ZNF773: variants seen among roughly 807,000 people sequenced by gnomAD.
ZNF773 encodes zinc finger protein 419B.
ZNF773 carries 11 observed loss-of-function variants against 12.8 expected under a neutral mutation model. The ratio of observed to expected loss-of-function variants is 0.86; its 90% CI spans 0.54 to 1.42. The LOEUF (loss-of-function observed/expected upper bound fraction) is 1.42. Ranked by LOEUF, ZNF773 falls within the 40% of genes most tolerant of loss-of-function variation. The pLI is 0.00. For missense variants in ZNF773, 518 were observed against 527.2 expected, an observed-to-expected ratio of 0.98 and a Z score of 0.17; for synonymous variants, 175 against 178.4, an observed-to-expected ratio of 0.98 and a Z score of 0.15.
chr19:57,511,868 A>T (rs543944586), downstream of ZNF773, among the ~76,000 whole-genome samples: 66 of 144,352 alleles, frequency 4.6e-4, no homozygotes, highest in Non-Finnish European at 8.0e-4. Context: ...AACAGCATAG[A>T]TAAAAAAAAG....
rs61737910 is a variant in ZNF773, at chr19:57,506,386, A to G, written c.291A>G (p.Ala97=). The G allele has an allele frequency of 0.19, 312,499 of 1,611,532 alleles. 31,024 individuals carry two copies. Among genetic ancestry groups the G allele is most frequent in the African/African-American group, 0.25 (19,009 of 74,810 alleles). ...GTTGGCAAGGAGCCAAGGCTGAGGC[A>G]GCTGCTGAGCAGAGTGCTTCTGTAG... ...RGSWQGAKAE[A]AAEQSASVEV... The change falls in exon 4 of 4, where the codon GCA becomes GCG. Residue 97 remains alanine, a synonymous_variant. Coordinates refer to ENST00000282292, the MANE Select transcript of ZNF773 (RefSeq NM_198542.3).
At chr19:57,508,639 C>T (rs1701895936), downstream of ZNF773, 7 of 671,202 alleles carry the variant, frequency 1.0e-5, no homozygotes, top group South Asian at 3.1e-5. Context: ...TTCATATTTC[C>T]TCCTGGAATA....
chr19:57,504,793 T>G lies in ZNF773; in HGVS notation c.163+7T>G. The G allele has an allele frequency of 6.2e-7, 1 of 1,612,062 alleles. No homozygotes were observed. Among genetic ancestry groups the G allele is most frequent in the Non-Finnish European group, 8.5e-7 (1 of 1,179,038 alleles). On this transcript the variant is annotated splice_region_variant and intron_variant, in intron 2 of 3. Coordinates refer to ENST00000282292, the MANE Select transcript of ZNF773 (RefSeq NM_198542.3). Reference sequence around the variant, plus strand: ...ACACTTCTGGCCTCTCTGGGTAAGGTTCTCACACCCCACCCCAGCATCCTG... The same window carrying G: ...ACACTTCTGGCCTCTCTGGGTAAGGGTCTCACACCCCACCCCAGCATCCTG...
chr19:57,500,335 CAGCTTG>C lies in ZNF773; in HGVS notation c.33+223_33+228del, dbSNP rs572296810. On this transcript the variant is annotated intron_variant, in intron 1 of 3. Transcript: ENST00000282292. ...GAGGCCTCCTGGTGTCTGTAGTGGG[CAGCTTG>C]GGAAGGGACGAGGCGCGTGTCGAGC... Among the ~76,000 whole-genome samples, 320 of 151,994 alleles carry C rather than the reference CAGCTTG, an allele frequency of 2.1e-3. 2 individuals are homozygous for C. Among genetic ancestry groups the C allele is most frequent in the African/African-American group, 6.8e-3 (283 of 41,446 alleles).
At position 57,499,981 on chromosome 19, in the gene ZNF773, C is replaced by G. The variant is rs748283891; in HGVS notation, c.-100C>G. 2 of 1,448,238 alleles carry G rather than the reference C, an allele frequency of 1.4e-6. No homozygotes were observed. The highest frequency in any genetic ancestry group is 1.8e-6 in the Non-Finnish European group (2 of 1,082,372). The allele number at this position is 1,448,238 out of a possible 1,614,324, so 89.7% of individuals were successfully genotyped here. On this transcript the variant is annotated 5_prime_UTR_variant, in exon 1 of 4. Coordinates refer to ENST00000282292, the MANE Select transcript of ZNF773 (RefSeq NM_198542.3). The stretch of plus-strand genomic sequence containing the variant: ...CTCCGGAAAGCGCGGTGGGGACGCG[C>G]TGTGTTCTCGCAGCTCAGAGGCGGG...
chr19:57,505,491 T>G, intron 3 of ZNF773, 91 bp downstream of exon 3: 1 of 1,402,982 alleles, frequency 7.1e-7, no homozygotes, highest in Non-Finnish European at 1.0e-6. Flanking sequence ...GATATTTTGA[T>G]ACCAAGGCAA....
At chr19:57,511,141 C>T (rs949898511), downstream of ZNF773, among the ~76,000 whole-genome samples, 5 of 151,802 alleles carry the variant, frequency 3.3e-5, no homozygotes, top group African/African-American at 1.2e-4. Context: ...TGTCTGCCCC[C>T]TGGGATTCAT....
intron 1 of ZNF773, 102 bp from the exon 2 acceptor site, chr19:57,504,555 G>C: frequency 6.5e-7 from 1 of 1,533,184 alleles, no homozygotes; most frequent in Non-Finnish European, 8.9e-7. Flanking sequence ...TCTCTTCTGA[G>C]ATGGGGATTA....
chr19:57,506,077 A>G (rs924375647), intron 3 of ZNF773, among the ~76,000 whole-genome samples: 50 of 151,946 alleles, frequency 3.3e-4, no homozygotes, highest in African/African-American at 1.1e-3. Flanking sequence ...AGCAGCCAAA[A>G]CCCTGTGGAA....
At chr19:57,505,075 G>C in intron 2 of ZNF773, 1 of 708,238 alleles carries the variant, frequency 1.4e-6, no homozygotes, top group South Asian at 1.5e-5. Context: ...GTGCAGATCT[G>C]TGGTAGTTCT....
chr19:57,506,114 G>A (rs2089729328), intron 3 of ZNF773, among the ~76,000 whole-genome samples: 1 of 152,140 alleles, frequency 6.6e-6, no homozygotes, highest in Non-Finnish European at 1.5e-5. Flanking sequence ...TTGTGTTGGG[G>A]ACTCTGCCTC....
At chr19:57,512,949 A>G, downstream of ZNF773, 1 of 1,447,312 alleles carries the variant, frequency 6.9e-7, no homozygotes, top group African/African-American at 1.5e-5. Flanking sequence ...CCCTAGAAGC[A>G]AGGAGCCCTC....
intron 1 of ZNF773, among the ~76,000 whole-genome samples, chr19:57,502,966 C>T (rs1332266173): frequency 4.6e-5 from 7 of 152,180 alleles, no homozygotes; most frequent in East Asian, 1.9e-4. Context: ...GCTGGGATTA[C>T]AGACATGAGC....
chr19:57,517,271 C>T (rs1466037469), downstream of ZNF773: 1 of 152,184 alleles, frequency 6.6e-6, no homozygotes, highest in East Asian at 1.9e-4. Context: ...AATACAAACA[C>T]ACAGCATATC....
At position 57,506,839 on chromosome 19, in the gene ZNF773, G is replaced by T. The variant is rs1387861791; in HGVS notation, c.744G>T (p.Gly248=). 8.7e-6 allele frequency: 14 copies of T among 1,614,144 alleles called. No individual in the cohort carries two copies. The South Asian group carries it at 1.2e-4, about 14-fold the overall frequency. The change falls in exon 4 of 4, where the codon GGG becomes GGT. Residue 248 remains glycine (G), a synonymous_variant. Transcript: ENST00000282292. ...TTCACACTGGAGAAAGGCCTTATGG[G>T]TGTAGTGACTGTGGAAAATCCTTTA... The part of the protein sequence containing the change: ...QIVHTGERPY[G]CSDCGKSFSR...
chr19:57,515,265 T>C (rs978182722), downstream of ZNF773: 3 of 152,218 alleles, frequency 2.0e-5, no homozygotes, highest in Non-Finnish European at 2.9e-5. Context: ...CCACTATCTC[T>C]AGGTAACAAT....
At chr19:57,514,558 A>G (rs2089820269), downstream of ZNF773, 2 of 152,216 alleles carry the variant, frequency 1.3e-5, no homozygotes, top group Non-Finnish European at 2.9e-5. Context: ...CCTACCTCCC[A>G]TTCTCCAACA....
Position 57,506,569 on chromosome 19 carries a change from C to G in ZNF773, c.474C>G (p.Thr158=). The part of the protein sequence containing the change: ...QSREVGKDLL[T]SSGVLKHQVT... Reference sequence around the variant, plus strand: ...GGGAAGTTGGGAAGGATCTTCTGACCAGCTCAGGTGTTCTCAAGCACCAGG... The same window carrying G: ...GGGAAGTTGGGAAGGATCTTCTGACGAGCTCAGGTGTTCTCAAGCACCAGG... The change falls in exon 4 of 4, where the codon ACC becomes ACG. Residue 158 remains threonine (T), a synonymous_variant. Transcript: ENST00000282292. 6.2e-7 allele frequency: 1 copy of G among 1,614,194 alleles called. No homozygotes were observed. The highest frequency in any genetic ancestry group is 8.5e-7 in the Non-Finnish European group (1 of 1,180,022).
Position 57,506,878 on chromosome 19 carries a change from C to T in ZNF773, c.783C>T (p.Asp261=). ...DCGKSFSRNA[D]LIQHQRVHTG... is the part of the protein sequence containing the mutation. The stretch of plus-strand genomic sequence containing the variant: ...GAAAATCCTTTAGCCGTAATGCTGA[C>T]CTCATTCAACACCAGAGAGTTCACA... The change falls in exon 4 of 4, where the codon GAC becomes GAT. Residue 261 remains aspartate (D), a synonymous_variant. Coordinates refer to ENST00000282292, the MANE Select transcript of ZNF773 (RefSeq NM_198542.3). The T allele has an allele frequency of 6.2e-7, 1 of 1,614,086 alleles. No individual in the cohort carries two copies. The highest frequency in any genetic ancestry group is 8.5e-7 in the Non-Finnish European group (1 of 1,180,038).
Sources: gnomAD v4.1 joint callset for allele counts (sites outside exome capture counted in the v4.1 genomes callset) on GRCh38, gnomAD v4.1.1 for gene constraint, MANE v1.5 for transcripts, NCBI Gene and HGNC (gene_info 2026-07-23, HGNC 2026-07-21) for gene names.